TMEM132C: variants seen among roughly 807,000 people sequenced by gnomAD.
TMEM132C encodes transmembrane protein 132C.
TMEM132C carries 29 observed loss-of-function variants against 61.4 expected under a neutral mutation model. The ratio of observed to expected loss-of-function variants is 0.47; its 90% confidence interval spans 0.35 to 0.64. The LOEUF is 0.64. Among genes scored for constraint, TMEM132C ranks in the 30% least tolerant of loss-of-function variants. TMEM132C has a pLI of 0.00. For missense variants in TMEM132C, 1,408 were observed against 1,476.9 expected (o/e 0.95, Z 0.76); for synonymous variants, 656 against 633.1 (o/e 1.04, Z -0.54).
intron 2 of TMEM132C, among the ~76,000 whole-genome samples, chr12:128,439,374 G>A (rs150305100): frequency 2.6e-4 from 40 of 152,272 alleles, no homozygotes; most frequent in South Asian, 1.2e-3. Context: ...ACCTCCCTGA[G>A]GCTCAGTTTT....
chr12:128,536,186 A>G lies in TMEM132C; in HGVS notation c.975-7771A>G, dbSNP rs141835503. Among the ~76,000 whole-genome samples, 132 of 152,350 alleles carry G rather than the reference A, an allele frequency of 8.7e-4. 1 individual carries two copies. Among genetic ancestry groups the G allele is most frequent in the African/African-American group, 3.0e-3 (125 of 41,588 alleles). ...ACTGGATTAAGACAATATGACACAT[A>G]TATACCATGGAATACTATGCAGCCA... On this transcript the variant is annotated intron_variant, in intron 2 of 8. Coordinates refer to ENST00000435159, the MANE Select transcript of TMEM132C (RefSeq NM_001136103.3).
chr12:128,614,819 A>T (rs1401408512), intron 3 of TMEM132C, among the ~76,000 whole-genome samples: 3 of 152,226 alleles, frequency 2.0e-5, no homozygotes, highest in African/African-American at 7.2e-5. Context: ...CTCTAGGAGA[A>T]CCACTGAATT....
At chr12:128,270,005 T>G (rs1041114724) in intron 1 of TMEM132C, among the ~76,000 whole-genome samples, 2 of 152,198 alleles carry the variant, frequency 1.3e-5, no homozygotes, top group Non-Finnish European at 2.9e-5. Context: ...GTTCCATAAA[T>G]AGGACAGGGC....
chr12:128,410,806 G>A (rs374635445), intron 1 of TMEM132C, among the ~76,000 whole-genome samples: 2 of 152,152 alleles, frequency 1.3e-5, no homozygotes, highest in South Asian at 4.1e-4. Flanking sequence ...AGCTACTTTA[G>A]AGGCTTATTG....
intron 2 of TMEM132C, among the ~76,000 whole-genome samples, chr12:128,419,768 T>A (rs971378156): frequency 6.6e-6 from 1 of 152,198 alleles, no homozygotes; most frequent in Non-Finnish European, 1.5e-5. Flanking sequence ...TTCATTCACT[T>A]GGTAAATATT....
At chr12:128,559,431 T>C (rs1281091312) in intron 3 of TMEM132C, among the ~76,000 whole-genome samples, 1 of 152,186 alleles carries the variant, frequency 6.6e-6, no homozygotes, top group Non-Finnish European at 1.5e-5. Flanking sequence ...ATGCAAAGAC[T>C]GTTTTGTACT....
At position 128,669,518 on chromosome 12, in the gene TMEM132C, A is replaced by G. The variant is rs1954509983; in HGVS notation, c.1407A>G (p.Ser469=). Reference sequence around the variant, plus strand: ...AGAACAGTGCCGTGATGGACATCTCAGAGTCGGTGGAGTGCAAGTCCACAG... The same window carrying G: ...AGAACAGTGCCGTGATGGACATCTCGGAGTCGGTGGAGTGCAAGTCCACAG... ...VEENSAVMDI[S]ESVECKSTDE... is the part of the protein sequence containing the mutation. The change falls in exon 5 of 9, where the codon TCA becomes TCG. Residue 469 remains serine, a synonymous_variant. Transcript: ENST00000435159. 1 of 1,551,566 alleles carries G rather than the reference A, an allele frequency of 6.4e-7. No homozygotes were observed. The highest frequency in any genetic ancestry group is 1.2e-5 in the South Asian group (1 of 84,054).
intron 1 of TMEM132C, among the ~76,000 whole-genome samples, chr12:128,379,910 T>G (rs1874346417): frequency 6.6e-6 from 1 of 152,200 alleles, no homozygotes; most frequent in Admixed American, 6.5e-5. Flanking sequence ...TGCTAAGACC[T>G]CACCCTGTGC....
intron 2 of TMEM132C, among the ~76,000 whole-genome samples, chr12:128,523,686 T>TA (rs1193888174): frequency 6.6e-6 from 1 of 151,236 alleles, no homozygotes; most frequent in Non-Finnish European, 1.5e-5. Context: ...GAAAAATCTG[T>TA]AAAAAAATAA....
chr12:128,519,524 A>C (rs892781545), intron 2 of TMEM132C, among the ~76,000 whole-genome samples: 2 of 152,226 alleles, frequency 1.3e-5, no homozygotes, highest in Admixed American at 6.5e-5. Flanking sequence ...GGCTAAAGGA[A>C]AAAATGGCCC....
chr12:128,561,950 G>A (rs920160157), intron 3 of TMEM132C, among the ~76,000 whole-genome samples: 5 of 152,136 alleles, frequency 3.3e-5, no homozygotes, highest in Non-Finnish European at 5.9e-5. Flanking sequence ...GATGGAGAGC[G>A]AGGGAGGGCA....
intron 2 of TMEM132C, among the ~76,000 whole-genome samples, chr12:128,484,825 G>A (rs2136094520): frequency 6.6e-6 from 1 of 152,128 alleles, no homozygotes; most frequent in South Asian, 2.1e-4. Context: ...AAACATGGTA[G>A]TGCATGCCTG....
intron 2 of TMEM132C, among the ~76,000 whole-genome samples, chr12:128,430,663 C>T (rs1321089365): frequency 6.6e-6 from 1 of 152,166 alleles, no homozygotes; most frequent in East Asian, 1.9e-4. Flanking sequence ...CACGTGCTCA[C>T]TTCCTGTCTC....
intron 2 of TMEM132C, among the ~76,000 whole-genome samples, chr12:128,472,028 C>T (rs748872267): frequency 3.3e-5 from 5 of 152,018 alleles, no homozygotes; most frequent in East Asian, 1.9e-4. Flanking sequence ...TTTAGGGTTA[C>T]GCAGATGAAA....
chr12:128,701,888 C>T (rs1461766991), intron 8 of TMEM132C, among the ~76,000 whole-genome samples: 2 of 126,874 alleles, frequency 1.6e-5, no homozygotes, highest in African/African-American at 2.9e-5. Context: ...TGCTTCCATT[C>T]GCTTCTTCTT....
chr12:128,484,416 G>A (rs78927992), intron 2 of TMEM132C, among the ~76,000 whole-genome samples: 26,030 of 152,078 alleles, frequency 0.17, 3,685 homozygotes, highest in African/African-American at 0.39. Context: ...CTAGGAGCAC[G>A]TTGATATCAT....
chr12:128,616,536 C>T (rs1876809470), intron 4 of TMEM132C, among the ~76,000 whole-genome samples: 1 of 152,226 alleles, frequency 6.6e-6, no homozygotes, highest in African/African-American at 2.4e-5. Flanking sequence ...TTTAGTCCAG[C>T]AAGTCACAAT....
chr12:128,676,920 A>C (rs767970408), intron 5 of TMEM132C, among the ~76,000 whole-genome samples: 13 of 152,246 alleles, frequency 8.5e-5, no homozygotes, highest in Non-Finnish European at 1.6e-4. Flanking sequence ...AATAGGAGTC[A>C]TAACATCTGA....
At chr12:128,276,716 G>C (rs1484374112) in intron 1 of TMEM132C, among the ~76,000 whole-genome samples, 1 of 152,092 alleles carries the variant, frequency 6.6e-6, no homozygotes, top group Non-Finnish European at 1.5e-5. Flanking sequence ...TTTCCTCACT[G>C]TCTCTGCGGA....
Sources: allele counts gnomAD v4.1 joint callset (sites outside exome capture counted in the v4.1 genomes callset), GRCh38; gene constraint gnomAD v4.1.1; transcripts MANE v1.5; gene names NCBI Gene and HGNC (gene_info 2026-07-23, HGNC 2026-07-21).